Variants in DLC1 observed in about 807,000 individuals in gnomAD.
The protein encoded by DLC1 is rho GTPase-activating protein 7.
A neutral mutation model predicts 140.3 loss-of-function variants in DLC1; 54 were observed. The ratio of observed to expected loss-of-function variants is 0.38; its 90% CI spans 0.31 to 0.48. The LOEUF is 0.48. Among genes scored for constraint, DLC1 ranks in the 20% least tolerant of loss-of-function variants. DLC1 has a pLI of 0.96. For missense variants in DLC1, 2,536 were observed against 1,907.0 expected, an observed-to-expected ratio of 1.33 and a Z score of -6.14; for synonymous variants, 986 against 728.1, an observed-to-expected ratio of 1.35 and a Z score of -5.70.
At chr8:13,265,037 A>C (rs552495114) in intron 5 of DLC1, among the ~76,000 whole-genome samples, 4 of 152,350 alleles carry the variant, frequency 2.6e-5, no homozygotes, top group African/African-American at 9.6e-5. Flanking sequence ...TCTGACCTTC[A>C]GAGCTCAATT....
chr8:13,552,796 T>G (rs1585267471), intron 1 of DLC1, among the ~76,000 whole-genome samples: 1 of 151,922 alleles, frequency 6.6e-6, no homozygotes, highest in South Asian at 2.1e-4. Context: ...TCACATGTAT[T>G]GTCATATTCT....
chr8:13,250,241 A>C (rs1045324304), intron 5 of DLC1, among the ~76,000 whole-genome samples: 11 of 152,178 alleles, frequency 7.2e-5, no homozygotes, highest in African/African-American at 2.7e-4. Context: ...ATTACTTTTT[A>C]ACCAACATAC....
At chr8:13,145,230 G>T (rs1823328110) in intron 5 of DLC1, among the ~76,000 whole-genome samples, 1 of 151,772 alleles carries the variant, frequency 6.6e-6, no homozygotes, top group South Asian at 2.1e-4. Context: ...TAGCAAAGAA[G>T]AAAGTCTAAA....
At chr8:13,141,720 C>T (rs1823006240) in intron 5 of DLC1, among the ~76,000 whole-genome samples, 1 of 152,196 alleles carries the variant, frequency 6.6e-6, no homozygotes, top group South Asian at 2.1e-4. Flanking sequence ...AGCTCCAGAT[C>T]ATTAACTTAC....
chr8:13,307,264 G>A (rs778420567), intron 4 of DLC1, among the ~76,000 whole-genome samples: 2 of 152,082 alleles, frequency 1.3e-5, no homozygotes, highest in Non-Finnish European at 2.9e-5. Flanking sequence ...TTAAATGGCA[G>A]CTTGGGGGAT....
chr8:13,306,592 G>C lies in DLC1; in HGVS notation c.1315-1290C>G, dbSNP rs1586105103. 2.1e-5 allele frequency among the ~76,000 whole-genome samples: 3 copies of C among 142,620 alleles called. No homozygotes were observed. In the Admixed American group the frequency reaches 2.1e-4, roughly 10 times the overall value. The allele number at this position is 142,620 out of a possible 152,430, so 93.6% of individuals were successfully genotyped here. A position where few individuals can be genotyped will look rare whatever the true frequency, so the allele number is the denominator to read the frequency against. ...TGTGTGTGTGTGTGTGTGAGAGAGA[G>C]AGAGAGAGAGGCCCAAGTGCAGCTC... On this transcript the variant is annotated intron_variant, in intron 4 of 17. Transcript: ENST00000276297.
intron 5 of DLC1, among the ~76,000 whole-genome samples, chr8:13,146,769 T>A (rs2128974603): frequency 6.6e-6 from 1 of 152,278 alleles, no homozygotes; most frequent in South Asian, 2.1e-4. Flanking sequence ...TTTATAATAT[T>A]CTTCACAGAA....
intron 7 of DLC1, among the ~76,000 whole-genome samples, chr8:13,108,759 G>T (rs1819803267): frequency 6.6e-6 from 1 of 152,158 alleles, no homozygotes; most frequent in African/African-American, 2.4e-5. Flanking sequence ...TCATGCATAT[G>T]CATGATCAGC....
At chr8:13,269,734 A>T (rs1830845107) in intron 5 of DLC1, among the ~76,000 whole-genome samples, 1 of 148,316 alleles carries the variant, frequency 6.7e-6, no homozygotes, top group Admixed American at 6.7e-5. Flanking sequence ...AAGACACATT[A>T]TAATTAAAAC....
chr8:13,407,251 G>C (rs1165440803), intron 2 of DLC1, among the ~76,000 whole-genome samples: 1 of 152,150 alleles, frequency 6.6e-6, no homozygotes, highest in African/African-American at 2.4e-5. Flanking sequence ...GTGGTATCTG[G>C]GGAAGATGAA....
chr8:13,551,040 T>G (rs1803827046), intron 1 of DLC1, among the ~76,000 whole-genome samples: 1 of 89,478 alleles, frequency 1.1e-5, no homozygotes, highest in Admixed American at 1.5e-4. Flanking sequence ...CTCCTCAGAT[T>G]TCTTTAAACA....
At chr8:13,154,444 T>C (rs57465539) in intron 5 of DLC1, among the ~76,000 whole-genome samples, 4,584 of 152,318 alleles carry the variant, frequency 0.03, 226 homozygotes, top group African/African-American at 0.1. Context: ...GCCTGCGTGC[T>C]AAGCCCCTTA....
intron 5 of DLC1, among the ~76,000 whole-genome samples, chr8:13,260,454 G>T (rs1442837246): frequency 6.6e-6 from 1 of 152,226 alleles, no homozygotes; most frequent in African/African-American, 2.4e-5. Flanking sequence ...AAGGCCACCT[G>T]TAGAAGATGA....
intron 5 of DLC1, among the ~76,000 whole-genome samples, chr8:13,289,238 G>T (rs190967871): frequency 1.8e-4 from 27 of 152,146 alleles, no homozygotes; most frequent in Non-Finnish European, 3.8e-4. Flanking sequence ...GTTTTGTTCT[G>T]TCACCCAGGC....
chr8:13,143,367 G>A (rs796158027), intron 5 of DLC1, among the ~76,000 whole-genome samples: 6 of 152,252 alleles, frequency 3.9e-5, no homozygotes, highest in African/African-American at 1.4e-4. Context: ...CCTGAACCCA[G>A]GTGATGCTTT....
At chr8:13,326,769 A>G (rs1298036309) in intron 4 of DLC1, among the ~76,000 whole-genome samples, 1 of 152,150 alleles carries the variant, frequency 6.6e-6, no homozygotes, top group East Asian at 1.9e-4. Flanking sequence ...GGTGGGGCTG[A>G]AGAAGTTATA....
At chr8:13,316,940 T>G (rs1832883185) in intron 4 of DLC1, among the ~76,000 whole-genome samples, 1 of 140,162 alleles carries the variant, frequency 7.1e-6, no homozygotes, top group Admixed American at 6.8e-5. Context: ...ATCTATTCCT[T>G]TTTTTTTCTT....
rs145711235 is a variant in DLC1, at chr8:13,143,011, C to G, written c.1349-27354G>C. ...TGAGCCAAGATTGTGCCGTTGCGCT[C>G]CAGCCTGGGCAACAAAAGTGAAACT... On this transcript the variant is annotated intron_variant, in intron 5 of 17. Coordinates refer to ENST00000276297, the MANE Select transcript of DLC1 (RefSeq NM_182643.3). Among the ~76,000 whole-genome samples the G allele has an allele frequency of 1.7e-4, 26 of 150,292 alleles. 1 individual carries two copies.
At chr8:13,502,835 T>A (rs1466163186) in intron 1 of DLC1, among the ~76,000 whole-genome samples, 1 of 152,234 alleles carries the variant, frequency 6.6e-6, no homozygotes, top group Admixed American at 6.5e-5. Context: ...GGATGGAGGA[T>A]CTGGAAAATT....
Sources: gnomAD v4.1 joint callset for allele counts (sites outside exome capture counted in the v4.1 genomes callset) on GRCh38, gnomAD v4.1.1 for gene constraint, MANE v1.5 for transcripts, NCBI Gene and HGNC (gene_info 2026-07-23, HGNC 2026-07-21) for gene names.